The following ANKRD44 variants were observed in gnomAD, a reference collection of about 807,000 sequenced individuals.
The protein encoded by ANKRD44 is serine/threonine-protein phosphatase 6 regulatory ankyrin repeat subunit B.
A neutral mutation model predicts 116.0 loss-of-function variants in ANKRD44; 35 were observed. The ratio of observed to expected loss-of-function variants is 0.30; its 90% CI spans 0.23 to 0.40. ANKRD44 has a LOEUF of 0.40. Among genes scored for constraint, ANKRD44 ranks in the 10% least tolerant of loss-of-function variants. ANKRD44 has a pLI of 1.00. For missense variants in ANKRD44, 1,014 were observed against 1,242.6 expected, an observed-to-expected ratio of 0.82 and a Z score of 2.77; for synonymous variants, 435 against 461.8, an observed-to-expected ratio of 0.94 and a Z score of 0.74.
chr2:197,004,931 A>G (rs1426862981), intron 21 of ANKRD44, among the ~76,000 whole-genome samples: 1 of 152,180 alleles, frequency 6.6e-6, no homozygotes, highest in Non-Finnish European at 1.5e-5. Flanking sequence ...CCATTATAAG[A>G]TCAATCCATA....
intron 2 of ANKRD44, among the ~76,000 whole-genome samples, chr2:197,170,035 C>G (rs1278982700): frequency 6.6e-6 from 1 of 151,762 alleles, no homozygotes; most frequent in East Asian, 1.9e-4. Context: ...ACAAAAAATA[C>G]AAAAATTAGC....
chr2:196,970,270 A>T (rs2075706173), intron 21 of ANKRD44, among the ~76,000 whole-genome samples: 1 of 152,130 alleles, frequency 6.6e-6, no homozygotes, highest in Admixed American at 6.5e-5. Flanking sequence ...TGCTGAGTTC[A>T]CTGTTTCAGA....
chr2:197,070,749 C>T (rs1054468037), intron 16 of ANKRD44, among the ~76,000 whole-genome samples: 1 of 151,938 alleles, frequency 6.6e-6, no homozygotes, highest in Non-Finnish European at 1.5e-5. Flanking sequence ...AAGGTATTAC[C>T]TTCATAAATG....
intron 4 of ANKRD44, among the ~76,000 whole-genome samples, chr2:197,131,125 G>T (rs536454545): frequency 6.6e-6 from 1 of 152,192 alleles, no homozygotes; most frequent in East Asian, 1.9e-4. Context: ...CTCGAAGGGT[G>T]GATCAGAGGT....
intron 1 of ANKRD44, among the ~76,000 whole-genome samples, chr2:197,233,092 C>T (rs144376536): frequency 2.0e-5 from 3 of 152,310 alleles, no homozygotes; most frequent in Non-Finnish European, 4.4e-5. Flanking sequence ...TGCACACCCT[C>T]GTGCTGGGTA....
At chr2:197,222,686 C>T (rs570830141) in intron 1 of ANKRD44, among the ~76,000 whole-genome samples, 6 of 152,252 alleles carry the variant, frequency 3.9e-5, no homozygotes, top group South Asian at 2.1e-4. Flanking sequence ...TTAGGCAATC[C>T]GATCACTTCA....
At chr2:197,277,253 T>A (rs2083119046) in intron 1 of ANKRD44, among the ~76,000 whole-genome samples, 1 of 151,960 alleles carries the variant, frequency 6.6e-6, no homozygotes, top group Non-Finnish European at 1.5e-5. Context: ...TACCCACAAG[T>A]ATAGAGGACA....
At chr2:197,038,706 T>G (rs1412168320) in intron 16 of ANKRD44, among the ~76,000 whole-genome samples, 1 of 152,240 alleles carries the variant, frequency 6.6e-6, no homozygotes, top group African/African-American at 2.4e-5. Flanking sequence ...TCATGTGTTT[T>G]TGAAATAATA....
chr2:197,090,818 G>A (rs981303405), intron 10 of ANKRD44, among the ~76,000 whole-genome samples: 1 of 152,190 alleles, frequency 6.6e-6, no homozygotes, highest in African/African-American at 2.4e-5. Context: ...ATTTGAGAGA[G>A]ACAGTTTGAT....
chr2:197,128,112 T>C (rs2079018903), intron 4 of ANKRD44, among the ~76,000 whole-genome samples: 1 of 152,240 alleles, frequency 6.6e-6, no homozygotes, highest in African/African-American at 2.4e-5. Context: ...TTGTGAATAG[T>C]GCTGCAATGA....
chr2:197,227,593 T>G (rs1399751737), intron 1 of ANKRD44, among the ~76,000 whole-genome samples: 2 of 123,718 alleles, frequency 1.6e-5, no homozygotes, highest in Non-Finnish European at 3.3e-5. Flanking sequence ...AAAAAGTGTT[T>G]GTTTTACCAA....
chr2:197,008,020 C>A, intron 19 of ANKRD44, 97 bp from the exon 20 acceptor site: 1 of 800,364 alleles, frequency 1.2e-6, no homozygotes, highest in Non-Finnish European at 2.1e-6. Flanking sequence ...ATTCTCTTCC[C>A]CTCTCCTTTT....
intron 1 of ANKRD44, among the ~76,000 whole-genome samples, chr2:197,202,960 G>A (rs2081127035): frequency 6.6e-6 from 1 of 152,012 alleles, no homozygotes; most frequent in South Asian, 2.1e-4. Context: ...AATCCCCTGG[G>A]AAACTAGGTC....
At chr2:196,969,408 T>TC (rs1376691278) in intron 21 of ANKRD44, among the ~76,000 whole-genome samples, 3 of 152,142 alleles carry the variant, frequency 2.0e-5, no homozygotes, top group Non-Finnish European at 4.4e-5. Flanking sequence ...TTCTTCTTCA[T>TC]TTTCATTCCT....
intron 1 of ANKRD44, among the ~76,000 whole-genome samples, chr2:197,226,774 T>A (rs13390986): frequency 0.022 from 3,360 of 152,276 alleles, 136 homozygotes; most frequent in African/African-American, 0.075. Flanking sequence ...AGGTATTAAG[T>A]GACATTCCTG....
chr2:197,297,801 T>C (rs936673598), intron 1 of ANKRD44, among the ~76,000 whole-genome samples: 1 of 152,236 alleles, frequency 6.6e-6, no homozygotes, highest in Admixed American at 6.5e-5. Flanking sequence ...GCAGAGCTAC[T>C]TAAAAAGATT....
chr2:197,231,043 G>A (rs4435471), intron 1 of ANKRD44, among the ~76,000 whole-genome samples: 33,968 of 152,064 alleles, frequency 0.22, 3,972 homozygotes, highest in Middle Eastern at 0.27. Flanking sequence ...CCAAGAGGAG[G>A]GGAATGAAAT....
chr2:197,238,911 G>A (rs2082032127), intron 1 of ANKRD44, among the ~76,000 whole-genome samples: 1 of 152,050 alleles, frequency 6.6e-6, no homozygotes, highest in African/African-American at 2.4e-5. Flanking sequence ...CGCCATGTTG[G>A]CCAGGCTGGT....
chr2:197,079,592 C>T (rs1178684771), intron 15 of ANKRD44, among the ~76,000 whole-genome samples: 3 of 152,226 alleles, frequency 2.0e-5, no homozygotes, highest in South Asian at 2.1e-4. Context: ...CTACTGCAAA[C>T]GGTCCAGTCC....
Sources: allele counts gnomAD v4.1 joint callset (sites outside exome capture counted in the v4.1 genomes callset), GRCh38; gene constraint gnomAD v4.1.1; transcripts MANE v1.5; gene names NCBI Gene and HGNC (gene_info 2026-07-23, HGNC 2026-07-21).